The following CDC42BPB variants were observed in gnomAD, a reference collection of about 807,000 sequenced individuals.
CDC42BPB encodes serine/threonine-protein kinase MRCK beta.
In CDC42BPB, 37 loss-of-function variants were observed where a neutral mutation model predicts 214.9. That is an observed-to-expected ratio of 0.17 (90% CI 0.13 to 0.23). CDC42BPB has a LOEUF of 0.23. Ranked by LOEUF, CDC42BPB falls within the 10% of genes least tolerant of loss-of-function variation. The probability of loss-of-function intolerance (pLI) is 1.00; values close to 1 mark genes in which losing one functional copy is unlikely to be tolerated. For synonymous variants in CDC42BPB, 931 were observed against 884.0 expected (o/e 1.05, Z -0.94); for missense variants, 1,694 against 2,227.0 (o/e 0.76, Z 4.82).
intron 9 of CDC42BPB, 98 bp from the exon 10 acceptor site, chr14:102,976,147 T>C (rs1036702352): frequency 1.7e-5 from 26 of 1,523,640 alleles, no homozygotes; most frequent in Non-Finnish European, 2.2e-5. Flanking sequence ...TCTTTTTAAA[T>C]CAGCAAACAA....
intron 1 of CDC42BPB, among the ~76,000 whole-genome samples, chr14:103,053,626 A>C (rs1190222): frequency 1.3e-5 from 2 of 150,008 alleles, no homozygotes; most frequent in African/African-American, 4.9e-5. Flanking sequence ...GCCAGGCGTG[A>C]TGGCGGGCGC....
rs1892074981 is a variant in CDC42BPB, at chr14:102,944,781, C to T, written c.3812-294G>A. 3 of 574,354 alleles carry T rather than the reference C, an allele frequency of 5.2e-6. No homozygotes were observed. In the Admixed American group the frequency reaches 1.9e-4, roughly 36 times the overall value. The allele number at this position is 574,354 out of a possible 1,614,324, so 35.6% of individuals were successfully genotyped here. A position where few individuals can be genotyped will look rare whatever the true frequency, so the allele number is the denominator to read the frequency against. On this transcript the variant is annotated intron_variant, in intron 29 of 36. Coordinates refer to ENST00000361246, the MANE Select transcript of CDC42BPB (RefSeq NM_006035.4). The surrounding 1 kb of genome is among the most constrained non-coding windows in gnomAD (Gnocchi z 6.6). ...GTGCACACCCCTCAGTGCACCAGGG[C>T]TCCAGCTGGGCAGCGCTTCCACCTG...
chr14:102,972,462 G>C, intron 12 of CDC42BPB: 1 of 276,314 alleles, frequency 3.6e-6, no homozygotes, highest in Non-Finnish European at 5.5e-6. Flanking sequence ...CAAGGTGGGC[G>C]GGTCACCTGA....
At chr14:103,051,969 C>A (rs1473469244) in intron 1 of CDC42BPB, among the ~76,000 whole-genome samples, 1 of 152,098 alleles carries the variant, frequency 6.6e-6, no homozygotes, top group African/African-American at 2.4e-5. Flanking sequence ...CCTCAGCCTC[C>A]CAAGTAGGTG....
chr14:103,032,109 T>C (rs1355838596), intron 1 of CDC42BPB, among the ~76,000 whole-genome samples: 1 of 151,854 alleles, frequency 6.6e-6, no homozygotes, highest in Non-Finnish European at 1.5e-5. Context: ...GCGGCAGGTG[T>C]TTCTGATATG....
chr14:102,935,950 A>G (rs1317592020), intron 36 of CDC42BPB, among the ~76,000 whole-genome samples: 1 of 152,214 alleles, frequency 6.6e-6, no homozygotes, highest in Non-Finnish European at 1.5e-5. Flanking sequence ...AAAGGCCTTG[A>G]GTAGACATTT....
At position 103,016,513 on chromosome 14, in the gene CDC42BPB, G is replaced by C. The variant is rs182105208; in HGVS notation, c.176-4325C>G. 7.1e-4 allele frequency among the ~76,000 whole-genome samples: 108 copies of C among 151,808 alleles called. 1 individual carries two copies. The highest frequency in any genetic ancestry group is 2.6e-3 in the African/African-American group (106 of 41,358). ...GAACCAGGTGAGGGGAGGGAACCAG[G>C]TGAGGGGAGGGAACCAGGTGAGGGG... On this transcript the variant is annotated intron_variant, in intron 1 of 36. Coordinates refer to ENST00000361246, the MANE Select transcript of CDC42BPB (RefSeq NM_006035.4).
intron 1 of CDC42BPB, among the ~76,000 whole-genome samples, chr14:103,023,631 A>G (rs1293676500): frequency 6.6e-6 from 1 of 152,158 alleles, no homozygotes; most frequent in Non-Finnish European, 1.5e-5. Context: ...TTTGGTAGAA[A>G]TTAATAATTT....
chr14:102,948,734 C>T (rs1242961796), intron 26 of CDC42BPB, among the ~76,000 whole-genome samples: 4 of 134,618 alleles, frequency 3.0e-5, no homozygotes, highest in East Asian at 2.2e-4. Context: ...AGAGGGGGAG[C>T]GGGGTGTGGG....
At chr14:103,036,612 TA>T (rs1338647886) in intron 1 of CDC42BPB, among the ~76,000 whole-genome samples, 1 of 151,608 alleles carries the variant, frequency 6.6e-6, no homozygotes, top group Admixed American at 6.6e-5. Flanking sequence ...AAAAAAATAA[TA>T]AAAAAAATGA....
In CDC42BPB at chr14:102,958,843, A is replaced by T. The variant is rs548905808; in HGVS notation, c.2901+788T>A. Among the ~76,000 whole-genome samples, 78 of 147,016 alleles carry T rather than the reference A, an allele frequency of 5.3e-4. 1 individual carries two copies. The South Asian group carries it at 7.1e-3, about 13-fold the overall frequency. On this transcript the variant is annotated intron_variant, in intron 21 of 36. Coordinates refer to ENST00000361246, the MANE Select transcript of CDC42BPB (RefSeq NM_006035.4). Reference sequence around the variant, plus strand: ...GTATTTTTATTCGCTCTAGTGTGGGATTTTTTTTTTTAAGAGATAGGGTCT... The same window carrying T: ...GTATTTTTATTCGCTCTAGTGTGGGTTTTTTTTTTTTAAGAGATAGGGTCT...
At chr14:103,029,752 C>T (rs1395226634) in intron 1 of CDC42BPB, among the ~76,000 whole-genome samples, 1 of 137,996 alleles carries the variant, frequency 7.2e-6, no homozygotes, top group African/African-American at 2.7e-5. Context: ...CCAGCTACTT[C>T]GGAGGCTGAC....
intron 36 of CDC42BPB, among the ~76,000 whole-genome samples, chr14:102,937,414 C>T (rs1210951251): frequency 6.6e-6 from 1 of 152,234 alleles, no homozygotes; most frequent in East Asian, 1.9e-4. Context: ...AGGCATCTGC[C>T]CGTCCGTTCG....
chr14:102,970,369 C>T (rs535483455), intron 13 of CDC42BPB, 108 bp from the exon 14 acceptor site: 28 of 1,459,956 alleles, frequency 1.9e-5, no homozygotes, highest in South Asian at 8.3e-5. Context: ...AGGAGCTCTG[C>T]GCGTGTTCAC....
chr14:103,048,543 A>AAAAAG (rs1038253493), intron 1 of CDC42BPB, among the ~76,000 whole-genome samples: 9 of 141,020 alleles, frequency 6.4e-5, no homozygotes. Flanking sequence ...AAAAAAAAAA[A>AAAAAG]AAAAAAAAAA....
At chr14:102,950,380 G>A (rs1217755776) in intron 25 of CDC42BPB, 86 bp downstream of exon 25, 2 of 1,529,546 alleles carry the variant, frequency 1.3e-6, no homozygotes, top group South Asian at 2.3e-5. Flanking sequence ...GCAGCAAGGG[G>A]CTGCTTTCAA....
At chr14:102,954,814 T>C in intron 21 of CDC42BPB, 126 bp from the exon 22 acceptor site, 2 of 1,456,426 alleles carry the variant, frequency 1.4e-6, no homozygotes, top group Non-Finnish European at 1.8e-6. Context: ...CGGTTCTTAC[T>C]CCTGGATCCT....
chr14:102,980,269 C>T (rs1272631049), intron 8 of CDC42BPB, among the ~76,000 whole-genome samples: 1 of 152,166 alleles, frequency 6.6e-6, no homozygotes, highest in Non-Finnish European at 1.5e-5. Flanking sequence ...CAGAGGTGGG[C>T]GGATCATGTG....
rs759616779 is a variant in CDC42BPB at position 102,971,901 on chromosome 14, A to C, written c.1884+18T>G. The C allele has an allele frequency of 6.2e-7, 1 of 1,612,640 alleles. No individual in the cohort carries two copies. Among genetic ancestry groups the C allele is most frequent in the South Asian group, 1.1e-5 (1 of 90,982 alleles). ...AAATGTCCAGTCGATACCATCCCTG[A>C]ACCATCTCCACAGCTACCTCTTTCC... On this transcript the variant is annotated intron_variant, in intron 13 of 36. Transcript: ENST00000361246.
Sources: gnomAD v4.1 joint callset for allele counts (sites outside exome capture counted in the v4.1 genomes callset) on GRCh38, gnomAD v4.1.1 for gene constraint, Gnocchi (gnomAD v3.1) non-coding constraint, MANE v1.5 for transcripts, NCBI Gene and HGNC (gene_info 2026-07-23, HGNC 2026-07-21) for gene names.